The following WIPI1 variants were observed in gnomAD, a reference collection of about 807,000 sequenced individuals.
WIPI1 encodes WD repeat domain, phosphoinositide interacting 1, also known as WD repeat domain phosphoinositide-interacting protein 1.
Under a neutral mutation model 55.3 loss-of-function variants are expected in WIPI1, and 45 were observed. That is an observed-to-expected ratio of 0.81 (90% CI 0.64 to 1.04). The LOEUF (loss-of-function observed/expected upper bound fraction) is 1.04. Among genes scored for constraint, WIPI1 ranks in the 50% least tolerant of loss-of-function variants. The pLI, the probability that WIPI1 is intolerant of heterozygous loss-of-function variation, is 0.00. For synonymous variants in WIPI1, 195 were observed against 217.6 expected, an observed-to-expected ratio of 0.90 and a Z score of 0.92; for missense variants, 445 against 559.0, an observed-to-expected ratio of 0.80 and a Z score of 2.06.
At chr17:68,431,189 A>G (rs938136435) in intron 8 of WIPI1, among the ~76,000 whole-genome samples, 1 of 152,186 alleles carries the variant, frequency 6.6e-6, no homozygotes, top group Non-Finnish European at 1.5e-5. Context: ...GTGAGCAGTT[A>G]ATATGCGGTG....
chr17:68,449,539 T>C (rs1187829038), intron 3 of WIPI1, among the ~76,000 whole-genome samples: 2 of 152,252 alleles, frequency 1.3e-5, no homozygotes, highest in Non-Finnish European at 2.9e-5. Context: ...AGAGTTCTTA[T>C]GAATGGTTTA....
Position 68,434,520 on chromosome 17 carries a change from G to A in WIPI1, c.692+36C>T, listed in dbSNP as rs541653453. 328 of 1,610,544 alleles carry A rather than the reference G, an allele frequency of 2.0e-4. No homozygotes were observed. In the Middle Eastern group the frequency reaches 2.2e-3, roughly 11 times the overall value. On this transcript the variant is annotated intron_variant, in intron 7 of 12. Coordinates refer to ENST00000262139, the MANE Select transcript of WIPI1 (RefSeq NM_017983.7). The stretch of plus-strand genomic sequence containing the variant: ...CCAGCGGTCCCTGCGGGACTTCTGC[G>A]GGGACTTTAAAATGGGTTTGACATT...
intron 2 of WIPI1, among the ~76,000 whole-genome samples, chr17:68,451,242 C>T (rs914723517): frequency 1.3e-5 from 2 of 152,112 alleles, no homozygotes; most frequent in African/African-American, 4.8e-5. Context: ...ACCAGCCTGG[C>T]CAACATGGCG....
intron 12 of WIPI1, among the ~76,000 whole-genome samples, chr17:68,425,386 T>C (rs1473518882): frequency 2.1e-5 from 2 of 93,518 alleles, no homozygotes; most frequent in South Asian, 3.6e-4. Flanking sequence ...TCTTTTCTTT[T>C]TTTTTTTTTT....
Position 68,428,424 on chromosome 17 carries a change from G to T in WIPI1, c.1073+405C>A, listed in dbSNP as rs1295112985. Reference sequence around the variant, plus strand: ...TTGTATTTGTTTTTGGTATAGATGGGGTTTCACCATGTTGCCCAGGCTGGT... The same window carrying T: ...TTGTATTTGTTTTTGGTATAGATGGTGTTTCACCATGTTGCCCAGGCTGGT... On this transcript the variant is annotated intron_variant, in intron 10 of 12. Coordinates refer to ENST00000262139, the MANE Select transcript of WIPI1 (RefSeq NM_017983.7). 4.5e-5 allele frequency: 8 copies of T among 179,658 alleles called. No homozygotes were observed. The East Asian group carries it at 1.3e-3, about 29-fold the overall frequency. 11.1% of individuals were successfully genotyped at this position (179,658 alleles called of 1,614,324 possible).
intron 4 of WIPI1, 133 bp from the exon 5 acceptor site, chr17:68,436,612 G>A: frequency 1.4e-6 from 1 of 723,730 alleles, no homozygotes; most frequent in South Asian, 1.9e-5. Context: ...GCAGACAACT[G>A]CTTTCCGCTG....
chr17:68,437,010 A>ATGTGTGTGTT (rs758693659), intron 4 of WIPI1, among the ~76,000 whole-genome samples: 1 of 77,910 alleles, frequency 1.3e-5, no homozygotes, highest in Non-Finnish European at 2.7e-5. Flanking sequence ...AAAAAAATAT[A>ATGTGTGTGTT]TATATATGTG....
chr17:68,452,859 G>C, intron 2 of WIPI1, 51 bp downstream of exon 2: 1 of 1,541,884 alleles, frequency 6.5e-7, no homozygotes, highest in African/African-American at 1.4e-5. Context: ...AGCCTAGAAG[G>C]AGGCTCTGGT....
chr17:68,422,030 T>A (rs1014072876), intron 12 of WIPI1: 1 of 597,394 alleles, frequency 1.7e-6, no homozygotes, highest in African/African-American at 1.9e-5. Context: ...AAATACTGAC[T>A]ATAAAAATGT....
In WIPI1 at chr17:68,438,179, T is replaced by C. The variant is rs376315468; in HGVS notation, c.431-1700A>G. Among the ~76,000 whole-genome samples, 4 of 152,308 alleles carry C rather than the reference T, an allele frequency of 2.6e-5. No homozygotes were observed. In the East Asian group the frequency reaches 5.8e-4, roughly 22 times the overall value. On this transcript the variant is annotated intron_variant, in intron 4 of 12. Transcript: ENST00000262139. ...AGTCCACAGCAGGGCTGTCCTCTTA[T>C]CACTTGCCATGCATAGCTACGGGAG...
chr17:68,452,381 G>A (rs1465161162), intron 2 of WIPI1, among the ~76,000 whole-genome samples: 1 of 152,082 alleles, frequency 6.6e-6, no homozygotes, highest in Admixed American at 6.6e-5. Flanking sequence ...CCTGGCCAAC[G>A]TGGTGAAACC....
At chr17:68,432,599 G>A (rs920518200) in intron 8 of WIPI1, among the ~76,000 whole-genome samples, 2 of 151,892 alleles carry the variant, frequency 1.3e-5, no homozygotes, top group Admixed American at 6.6e-5. Flanking sequence ...ATGTATCAGC[G>A]TGATAAGGTG....
Position 68,436,604 on chromosome 17 carries a change from A to C in WIPI1, c.431-125T>G, listed in dbSNP as rs116184456. 3.0e-3 allele frequency: 2,370 copies of C among 790,020 alleles called. 36 individuals are homozygous for C. The African/African-American group carries it at 0.036, about 12-fold the overall frequency. The allele number at this position is 790,020 out of a possible 1,614,324, so 48.9% of individuals were successfully genotyped here. ...CTGGCAAGGGGAGGAATGGCTTTGCAGACAACTGCTTTCCGCTGATGATTC... is the reference window on the plus strand; with the variant it reads ...CTGGCAAGGGGAGGAATGGCTTTGCCGACAACTGCTTTCCGCTGATGATTC... On this transcript the variant is annotated intron_variant, in intron 4 of 12. Coordinates refer to ENST00000262139, the MANE Select transcript of WIPI1 (RefSeq NM_017983.7).
At chr17:68,456,570 C>A (rs2084649402) in intron 1 of WIPI1, among the ~76,000 whole-genome samples, 1 of 152,244 alleles carries the variant, frequency 6.6e-6, no homozygotes, top group African/African-American at 2.4e-5. Flanking sequence ...CAGCCCAGCT[C>A]CCTCTCAAAG....
At chr17:68,430,292 GC>G in intron 8 of WIPI1, 132 bp from the exon 9 acceptor site, 1 of 856,138 alleles carries the variant, frequency 1.2e-6, no homozygotes, top group Non-Finnish European at 1.8e-6. Context: ...ATAATGTTCT[GC>G]CCACTGAGAA....
chr17:68,456,121 G>C (rs1019704581), intron 1 of WIPI1, among the ~76,000 whole-genome samples: 1 of 152,236 alleles, frequency 6.6e-6, no homozygotes, highest in South Asian at 2.1e-4. Context: ...ATTGGGTGAT[G>C]TTGCAATACA....
intron 11 of WIPI1, 78 bp from the exon 12 acceptor site, chr17:68,426,253 G>GGGGGTGGGGGT: frequency 1.2e-6 from 1 of 841,018 alleles, no homozygotes; most frequent in East Asian, 3.4e-5. Flanking sequence ...GGGGAGCGGG[G>GGGGGTGGGGGT]GCTCAAATAA....
chr17:68,443,986 G>A (rs1037034717), intron 4 of WIPI1, among the ~76,000 whole-genome samples: 5 of 152,032 alleles, frequency 3.3e-5, no homozygotes, highest in Admixed American at 6.5e-5. Context: ...GTTAAATCCC[G>A]AGAATTCAGT....
At chr17:68,424,516 T>A (rs994692593) in intron 12 of WIPI1, 2 of 534,266 alleles carry the variant, frequency 3.7e-6, no homozygotes, top group Non-Finnish European at 7.7e-6. Flanking sequence ...CTAATGGACA[T>A]TGTTTCAGTG....
Sources: gnomAD v4.1 joint callset for allele counts (sites outside exome capture counted in the v4.1 genomes callset) on GRCh38, gnomAD v4.1.1 for gene constraint, MANE v1.5 for transcripts, NCBI Gene and HGNC (gene_info 2026-07-23, HGNC 2026-07-21) for gene names.